The following GLRB variants were observed in gnomAD, a reference collection of about 807,000 sequenced individuals.
GLRB encodes glycine receptor beta, also known as glycine receptor subunit beta.
In GLRB, 33 loss-of-function variants were observed where a neutral mutation model predicts 54.2. That is an observed-to-expected ratio of 0.61 (90% confidence interval 0.46 to 0.81). The LOEUF is 0.81. GLRB is among the 40% of genes least tolerant of loss of function. The pLI, the probability that GLRB is intolerant of heterozygous loss-of-function variation, is 0.00. For missense variants in GLRB, 572 were observed against 584.6 expected (o/e 0.98, Z 0.22); for synonymous variants, 209 against 208.2 (o/e 1.00, Z -0.03).
intron 4 of GLRB, among the ~76,000 whole-genome samples, chr4:157,135,040 C>T (rs904763364): frequency 6.6e-6 from 1 of 152,060 alleles, no homozygotes; most frequent in Non-Finnish European, 1.5e-5. Flanking sequence ...ATACTTAGCA[C>T]ATGGTAAATA....
intron 3 of GLRB, 70 bp downstream of exon 3, chr4:157,120,732 G>GATATTTTATATGT: frequency 1.3e-6 from 1 of 750,574 alleles, no homozygotes; most frequent in South Asian, 1.5e-5. Flanking sequence ...AGAGATTTGT[G>GATATTTTATATGT]ATATTTTATA....
intron 2 of GLRB, among the ~76,000 whole-genome samples, chr4:157,103,018 A>T (rs1735090518): frequency 6.6e-6 from 1 of 151,824 alleles, no homozygotes; most frequent in Admixed American, 6.6e-5. Flanking sequence ...GTGCATGGGG[A>T]TGCACGCCTG....
At chr4:157,170,225 T>C (rs1737866222) in intron 9 of GLRB, among the ~76,000 whole-genome samples, 1 of 152,086 alleles carries the variant, frequency 6.6e-6, no homozygotes, top group Non-Finnish European at 1.5e-5. Context: ...TTCCATGACA[T>C]AAGCCTTATT....
intron 4 of GLRB, among the ~76,000 whole-genome samples, chr4:157,124,315 C>CT (rs1384604834): frequency 6.6e-6 from 1 of 151,830 alleles, no homozygotes; most frequent in East Asian, 2.0e-4. Context: ...TTCTCACTCA[C>CT]TTTGTGCACT....
At chr4:157,078,513 TA>T (rs900796540) in intron 2 of GLRB, among the ~76,000 whole-genome samples, 8 of 151,874 alleles carry the variant, frequency 5.3e-5, no homozygotes, top group Non-Finnish European at 1.2e-4. Flanking sequence ...AGTTTTTTTT[TA>T]AAAAAACCCT....
At chr4:157,162,948 G>C (rs968442540) in intron 9 of GLRB, among the ~76,000 whole-genome samples, 5 of 152,204 alleles carry the variant, frequency 3.3e-5, no homozygotes, top group African/African-American at 1.2e-4. Context: ...AGTCTAGAGA[G>C]GCAGGCAGGC....
At chr4:157,085,565 C>T (rs532034761) in intron 2 of GLRB, among the ~76,000 whole-genome samples, 6 of 151,790 alleles carry the variant, frequency 4.0e-5, no homozygotes, top group Non-Finnish European at 7.4e-5. Flanking sequence ...GGCATGATCT[C>T]GCCTCACTGC....
intron 2 of GLRB, among the ~76,000 whole-genome samples, chr4:157,090,014 A>G (rs1734555026): frequency 1.3e-5 from 2 of 152,106 alleles, no homozygotes; most frequent in Non-Finnish European, 2.9e-5. Context: ...CTCTGCTTTT[A>G]TGGTCTCTGT....
intron 9 of GLRB, among the ~76,000 whole-genome samples, chr4:157,158,371 A>G (rs924360604): frequency 1.6e-4 from 25 of 152,082 alleles, no homozygotes; most frequent in Admixed American, 7.2e-4. Context: ...TTTTGTTGCC[A>G]TTGCTTTTGG....
In GLRB at chr4:157,111,212, A is replaced by G. The variant is rs1228737517; in HGVS notation, c.123-9344A>G. Among the ~76,000 whole-genome samples, 3 of 152,046 alleles carry G rather than the reference A, an allele frequency of 2.0e-5. No homozygotes were observed. The East Asian group carries it at 5.8e-4, about 29-fold the overall frequency. ...GCAGACATGTGGTTCAAGTGTTCTC[A>G]GGGAGAAGCTGGGAGCTAGGGTTTA... is the stretch of plus-strand genomic sequence containing the variant. On this transcript the variant is annotated intron_variant, in intron 2 of 9. Transcript: ENST00000264428.
At chr4:157,155,686 C>T (rs1579247335) in intron 9 of GLRB, among the ~76,000 whole-genome samples, 1 of 152,292 alleles carries the variant, frequency 6.6e-6, no homozygotes, top group East Asian at 1.9e-4. Context: ...TAAAGTGTCA[C>T]TTATCTCTGG....
At chr4:157,162,934 G>T (rs903749021) in intron 9 of GLRB, among the ~76,000 whole-genome samples, 2 of 152,182 alleles carry the variant, frequency 1.3e-5, no homozygotes, top group Non-Finnish European at 2.9e-5. Flanking sequence ...GCCCCCAGAG[G>T]TGGAGTCTAG....
chr4:157,126,307 G>A (rs1736014431), intron 4 of GLRB, among the ~76,000 whole-genome samples: 1 of 151,654 alleles, frequency 6.6e-6, no homozygotes, highest in African/African-American at 2.4e-5. Context: ...ATTGTATAGT[G>A]GAGGAAAAAT....
intron 2 of GLRB, among the ~76,000 whole-genome samples, chr4:157,095,353 C>G (rs1734770216): frequency 6.9e-6 from 1 of 144,456 alleles, no homozygotes; most frequent in Non-Finnish European, 1.5e-5. Context: ...CTGTTAAAAA[C>G]TACAGGAAGA....
intron 2 of GLRB, among the ~76,000 whole-genome samples, chr4:157,102,371 C>T (rs960847489): frequency 6.6e-6 from 1 of 152,136 alleles, no homozygotes; most frequent in African/African-American, 2.4e-5. Flanking sequence ...CTGCAAACCA[C>T]CATTCTGCTC....
rs1737075772 is a variant in GLRB at position 157,152,836 on chromosome 4, T to C, written c.1023T>C (p.Phe341=). Residue 341 remains phenylalanine, a synonymous_variant, in exon 9 of 10, where the codon TTT becomes TTC. Transcript: ENST00000264428. ...VWLIACLLFG[F]ASLVEYAVVQ... ...TTATTGCTTGCCTTCTCTTTGGGTT[T>C]GCTTCCCTGGTGGAGTATGCAGTTG... 6.2e-7 allele frequency: 1 copy of C among 1,614,116 alleles called. No homozygotes were observed. The highest frequency in any genetic ancestry group is 8.5e-7 in the Non-Finnish European group (1 of 1,180,014).
At position 157,123,289 on chromosome 4, in the gene GLRB, A is replaced by G. The variant is rs184458879; in HGVS notation, c.297+892A>G. Among the ~76,000 whole-genome samples, 330 of 151,882 alleles carry G rather than the reference A, an allele frequency of 2.2e-3. 1 individual carries two copies. The highest frequency in any genetic ancestry group is 7.6e-3 in the African/African-American group (316 of 41,502). ...CAAGCCTAGTAAGAATGGCAAGAGTACAGTCTAATTTTCCTGAGAATATCT... is the reference window on the plus strand; with the variant it reads ...CAAGCCTAGTAAGAATGGCAAGAGTGCAGTCTAATTTTCCTGAGAATATCT... On this transcript the variant is annotated intron_variant, in intron 4 of 9. Transcript: ENST00000264428.
chr4:157,157,341 C>T (rs1264081781), intron 9 of GLRB, among the ~76,000 whole-genome samples: 2 of 151,494 alleles, frequency 1.3e-5, no homozygotes, highest in Non-Finnish European at 3.0e-5. Flanking sequence ...TGCCTCGTCA[C>T]AGACTTTTAA....
chr4:157,101,538 A>G, intron 2 of GLRB, among the ~76,000 whole-genome samples: 1 of 152,194 alleles, frequency 6.6e-6, no homozygotes, highest in Non-Finnish European at 1.5e-5. Context: ...CCTTACAATG[A>G]GAAAGTTCTC....
Sources: gnomAD v4.1 joint callset for allele counts (sites outside exome capture counted in the v4.1 genomes callset) on GRCh38, gnomAD v4.1.1 for gene constraint, MANE v1.5 for transcripts, NCBI Gene and HGNC (gene_info 2026-07-23, HGNC 2026-07-21) for gene names.